UBE4B: variants seen among roughly 807,000 people sequenced by gnomAD.
UBE4B encodes the protein ubiquitin conjugation factor E4 B.
UBE4B carries 27 observed loss-of-function variants against 148.1 expected under a neutral mutation model. The ratio of observed to expected loss-of-function variants is 0.18; its 90% CI spans 0.13 to 0.25. The LOEUF (loss-of-function observed/expected upper bound fraction) is 0.25, where lower values mean the gene tolerates loss of function less well. Ranked by LOEUF, UBE4B falls within the 10% of genes least tolerant of loss-of-function variation. The probability of loss-of-function intolerance (pLI) is 1.00; values close to 1 mark genes in which losing one functional copy is unlikely to be tolerated. For synonymous variants in UBE4B, 596 were observed against 619.3 expected (o/e 0.96, Z 0.56); for missense variants, 1,170 against 1,662.4 (o/e 0.70, Z 5.15).
chr1:10,157,984 C>T (rs974327344), intron 21 of UBE4B, among the ~76,000 whole-genome samples: 3 of 152,066 alleles, frequency 2.0e-5, no homozygotes, highest in African/African-American at 4.8e-5. Context: ...TTAAACCTAA[C>T]TTTTTATCCG....
chr1:10,074,016 A>G (rs1395626911), intron 2 of UBE4B, among the ~76,000 whole-genome samples: 4 of 141,804 alleles, frequency 2.8e-5, no homozygotes, highest in African/African-American at 1.1e-4. Context: ...CTAGTGCACT[A>G]CAGCTTAAAA....
chr1:10,090,779 A>G (rs542818327), intron 2 of UBE4B, among the ~76,000 whole-genome samples: 91 of 147,636 alleles, frequency 6.2e-4, no homozygotes, highest in African/African-American at 2.2e-3. Flanking sequence ...GGTGGAATTT[A>G]GAAGCCTATG....
intron 24 of UBE4B, among the ~76,000 whole-genome samples, chr1:10,170,156 T>C (rs971143298): frequency 1.3e-5 from 2 of 152,242 alleles, no homozygotes; most frequent in African/African-American, 4.8e-5. Context: ...ATCTGGCCTT[T>C]GCAGACAAAG....
chr1:10,039,358 G>GT (rs1643670139), intron 1 of UBE4B, among the ~76,000 whole-genome samples: 1 of 152,108 alleles, frequency 6.6e-6, no homozygotes, highest in Non-Finnish European at 1.5e-5. Flanking sequence ...GGAGAGGTGG[G>GT]TTTTACCTCG....
At chr1:10,108,333 AC>A (rs1378183360) in intron 7 of UBE4B, among the ~76,000 whole-genome samples, 1 of 152,092 alleles carries the variant, frequency 6.6e-6, no homozygotes, top group Non-Finnish European at 1.5e-5. Flanking sequence ...CACCTCCTGG[AC>A]CTCAGTGAAG....
At chr1:10,060,939 T>A (rs991122335) in intron 1 of UBE4B, among the ~76,000 whole-genome samples, 1 of 152,040 alleles carries the variant, frequency 6.6e-6, no homozygotes, top group African/African-American at 2.4e-5. Context: ...AGAGAAGTCA[T>A]CTTACTATGC....
At chr1:10,095,133 A>G (rs770628498) in intron 2 of UBE4B, among the ~76,000 whole-genome samples, 31 of 152,132 alleles carry the variant, frequency 2.0e-4, no homozygotes, top group East Asian at 3.9e-4. Context: ...CTGGACTATC[A>G]TGGAAGTTAA....
chr1:10,077,555 A>T (rs76993995), intron 2 of UBE4B, among the ~76,000 whole-genome samples: 2 of 152,234 alleles, frequency 1.3e-5, no homozygotes, highest in Non-Finnish European at 2.9e-5. Flanking sequence ...TGCTTAGCAC[A>T]TGGCAAGCAG....
rs1334181455 is a variant in UBE4B at position 10,072,197 on chromosome 1, C to T, written c.194C>T (p.Ser65Phe). 1 of 1,613,302 alleles carries T rather than the reference C, an allele frequency of 6.2e-7. No individual in the cohort carries two copies. Among genetic ancestry groups the T allele is most frequent in the Admixed American group, 1.7e-5 (1 of 59,576 alleles). The change falls in exon 2 of 28, where the codon TCC becomes TTC. Residue 65 changes from serine (S) to phenylalanine (F), a missense_variant. Around this residue, in one of 6 missense-constraint regions of UBE4B, gnomAD observed 127 missense variants for 153.2 expected, o/e 0.83. Transcript: ENST00000343090. Reference protein sequence around the residue: ...LNVHNMTPATSPIGASGVAHR... With the variant: ...LNVHNMTPATFPIGASGVAHR... ...GTCCACAACATGACCCCAGCTACCT[C>T]CCCAATAGGTGCATCAGGTAAGCCC...
intron 7 of UBE4B, among the ~76,000 whole-genome samples, chr1:10,107,017 G>A (rs1005963576): frequency 6.6e-6 from 1 of 152,176 alleles, no homozygotes; most frequent in Non-Finnish European, 1.5e-5. Context: ...GAAGGAAGCA[G>A]TATCAGAATT....
At chr1:10,069,931 A>G (rs919113449) in intron 1 of UBE4B, among the ~76,000 whole-genome samples, 1 of 152,132 alleles carries the variant, frequency 6.6e-6, no homozygotes, top group African/African-American at 2.4e-5. Flanking sequence ...ATAAAGGTTG[A>G]ATTTGAATTA....
intron 18 of UBE4B, 42 bp from the exon 19 acceptor site, chr1:10,146,921 C>T (rs780953413): frequency 6.2e-6 from 10 of 1,608,938 alleles, no homozygotes; most frequent in Middle Eastern, 1.7e-4. Context: ...AGGGACTTAG[C>T]TACTGACTGA....
At chr1:10,151,032 A>G (rs149148192) in intron 20 of UBE4B, among the ~76,000 whole-genome samples, 15,454 of 150,808 alleles carry the variant, frequency 0.1, 1,449 homozygotes, top group African/African-American at 0.25. Flanking sequence ...GCATGGTGGC[A>G]GGTGCCTGTA....
intron 2 of UBE4B, among the ~76,000 whole-genome samples, chr1:10,090,741 G>A (rs1043759612): frequency 2.5e-4 from 38 of 151,262 alleles, no homozygotes; most frequent in Non-Finnish European, 5.2e-4. Flanking sequence ...TTTCAAGGAC[G>A]CTTTTGACAA....
chr1:10,148,244 G>T (rs1044227779), intron 19 of UBE4B, among the ~76,000 whole-genome samples: 3 of 151,484 alleles, frequency 2.0e-5, no homozygotes, highest in Non-Finnish European at 4.4e-5. Flanking sequence ...AAAAAAATGT[G>T]TGTAGCTCTG....
chr1:10,129,684 T>G (rs1405046190), intron 12 of UBE4B, among the ~76,000 whole-genome samples: 4 of 152,182 alleles, frequency 2.6e-5, no homozygotes, highest in African/African-American at 9.7e-5. Flanking sequence ...TCTCACTCTG[T>G]CACCCAGGCT....
At chr1:10,080,416 CAA>C (rs565960920) in intron 2 of UBE4B, among the ~76,000 whole-genome samples, 5 of 101,234 alleles carry the variant, frequency 4.9e-5, no homozygotes, top group Non-Finnish European at 4.2e-5. Flanking sequence ...GAATCCATCT[CAA>C]AAAAAAAAAA....
chr1:10,096,602 ATC>A (rs1455833687), intron 3 of UBE4B, among the ~76,000 whole-genome samples: 1 of 152,136 alleles, frequency 6.6e-6, no homozygotes, highest in African/African-American at 2.4e-5. Flanking sequence ...GGCGCCTGTA[ATC>A]TCAGCTACTG....
chr1:10,136,902 G>A (rs185575848), intron 16 of UBE4B, among the ~76,000 whole-genome samples, 165 bp from the exon 17 acceptor site: 2 of 152,252 alleles, frequency 1.3e-5, no homozygotes, highest in Admixed American at 1.3e-4. Context: ...CCTGGGTGAC[G>A]AGAGCAAAAG....
Sources: gnomAD v4.1 joint callset for allele counts (sites outside exome capture counted in the v4.1 genomes callset) on GRCh38, gnomAD v4.1.1 for gene constraint, gnomAD v4.1.1 regional missense constraint, MANE v1.5 for transcripts, NCBI Gene and HGNC (gene_info 2026-07-23, HGNC 2026-07-21) for gene names.